ROCK2: variants seen among roughly 807,000 people sequenced by gnomAD.
The protein encoded by ROCK2 is Rho associated coiled-coil containing protein kinase 2.
ROCK2 carries 61 observed loss-of-function variants against 195.1 expected under a neutral mutation model. The ratio of observed to expected loss-of-function variants is 0.31; its 90% CI spans 0.25 to 0.39. ROCK2 has a LOEUF of 0.39. Among genes scored for constraint, ROCK2 ranks in the 10% least tolerant of loss-of-function variants. ROCK2 has a pLI of 1.00. For missense variants in ROCK2, 1,109 were observed against 1,637.4 expected (o/e 0.68, Z 5.57); for synonymous variants, 504 against 545.5 (o/e 0.92, Z 1.06).
At chr2:11,210,795 A>G (rs1664223182) in intron 18 of ROCK2, among the ~76,000 whole-genome samples, 1 of 152,224 alleles carries the variant, frequency 6.6e-6, no homozygotes, top group Admixed American at 6.5e-5. Context: ...ATGGCCCAGT[A>G]ACTTTCTCCC....
At chr2:11,202,274 GT>G (rs918476157) in intron 20 of ROCK2, among the ~76,000 whole-genome samples, 153 bp from the exon 21 acceptor site, 1 of 151,716 alleles carries the variant, frequency 6.6e-6, no homozygotes, top group South Asian at 2.1e-4. Flanking sequence ...GAGCACCATG[GT>G]TTTTTTTAAA....
At chr2:11,291,903 T>C (rs1667373778) in intron 1 of ROCK2, among the ~76,000 whole-genome samples, 1 of 152,140 alleles carries the variant, frequency 6.6e-6, no homozygotes, top group African/African-American at 2.4e-5. Flanking sequence ...ACAACCATTT[T>C]TTTGAGGAGG....
At chr2:11,342,575 T>C (rs138389776) in intron 1 of ROCK2, among the ~76,000 whole-genome samples, 105 of 152,342 alleles carry the variant, frequency 6.9e-4, no homozygotes, top group Non-Finnish European at 1.2e-3. Context: ...CTAAACTTTC[T>C]GGCCTTAGGT....
At chr2:11,238,703 C>T (rs1463723075) in intron 4 of ROCK2, among the ~76,000 whole-genome samples, 1 of 151,952 alleles carries the variant, frequency 6.6e-6, no homozygotes, top group African/African-American at 2.4e-5. Flanking sequence ...TAAAAATTAG[C>T]CAGGAATGGT....
At chr2:11,184,202 A>G (rs960347567) in intron 32 of ROCK2, among the ~76,000 whole-genome samples, 2 of 152,262 alleles carry the variant, frequency 1.3e-5, no homozygotes, top group African/African-American at 4.8e-5. Flanking sequence ...AATCAGAAAT[A>G]GCTATTTCAC....
chr2:11,306,264 T>G (rs1572387638), intron 1 of ROCK2, among the ~76,000 whole-genome samples: 1 of 152,214 alleles, frequency 6.6e-6, no homozygotes, highest in African/African-American at 2.4e-5. Flanking sequence ...ACTATTTCCT[T>G]CTGTCAGAAA....
chr2:11,217,339 C>G (rs534000782), intron 11 of ROCK2, 170 bp from the exon 12 acceptor site: 5 of 709,886 alleles, frequency 7.0e-6, no homozygotes, highest in African/African-American at 6.9e-5. Context: ...AAAGGAAAAA[C>G]TCCCCCATCT....
At chr2:11,199,542 C>G (rs144542393) in intron 23 of ROCK2, among the ~76,000 whole-genome samples, 3,464 of 151,146 alleles carry the variant, frequency 0.023, 52 homozygotes, top group Non-Finnish European at 0.034. Flanking sequence ...GTTGCCTAGG[C>G]TGGTCTCAAA....
intron 1 of ROCK2, among the ~76,000 whole-genome samples, chr2:11,327,403 C>G (rs190124443): frequency 2.6e-5 from 4 of 151,998 alleles, no homozygotes; most frequent in African/African-American, 7.2e-5. Context: ...ATGAATTAAG[C>G]GAAAAGAAAG....
At chr2:11,254,931 T>G (rs955254171) in intron 3 of ROCK2, among the ~76,000 whole-genome samples, 1 of 150,066 alleles carries the variant, frequency 6.7e-6, no homozygotes, top group Non-Finnish European at 1.5e-5. Context: ...TTAAAAGAAC[T>G]TGGGGGCCGG....
chr2:11,210,993 A>G (rs1664227902), intron 18 of ROCK2, among the ~76,000 whole-genome samples: 6 of 152,236 alleles, frequency 3.9e-5, no homozygotes. Flanking sequence ...TCTGTTCAAG[A>G]GTTTTAAGCC....
In ROCK2 at chr2:11,181,084, C is replaced by T. The variant is rs1662966744; in HGVS notation, c.*2353G>A. 6.6e-6 allele frequency: 1 copy of T among 150,992 alleles called. No individual in the cohort carries two copies. The highest frequency in any genetic ancestry group is 1.9e-4 in the East Asian group (1 of 5,156). The allele number at this position is 150,992 out of a possible 1,614,324, so 9.4% of individuals were successfully genotyped here. ...GATTCCCCATATTCTCTAATATATA[C>T]AGCATTCCAAATTTAAACTTTTGCC... On this transcript the variant is annotated 3_prime_UTR_variant, in exon 33 of 33. Transcript: ENST00000315872.
intron 1 of ROCK2, among the ~76,000 whole-genome samples, chr2:11,289,749 AT>A (rs1667303929): frequency 6.6e-6 from 1 of 152,198 alleles, no homozygotes. Context: ...GCTCCCCCGT[AT>A]CTTCCCCAAA....
At chr2:11,306,601 G>A (rs1417882058) in intron 1 of ROCK2, among the ~76,000 whole-genome samples, 1 of 152,062 alleles carries the variant, frequency 6.6e-6, no homozygotes, top group African/African-American at 2.4e-5. Flanking sequence ...TTAAACACAA[G>A]GGATTTAAGA....
intron 1 of ROCK2, among the ~76,000 whole-genome samples, chr2:11,332,132 C>G (rs1466177721): frequency 1.3e-5 from 2 of 151,556 alleles, no homozygotes; most frequent in Non-Finnish European, 2.9e-5. Flanking sequence ...AGAGTGAGAC[C>G]CCATCTCTTA....
chr2:11,256,476 A>G (rs1056687302), intron 3 of ROCK2, among the ~76,000 whole-genome samples: 4 of 151,442 alleles, frequency 2.6e-5, no homozygotes, highest in African/African-American at 9.8e-5. Context: ...CGGCCTGCAG[A>G]ACTGTGAGTC....
intron 5 of ROCK2, among the ~76,000 whole-genome samples, chr2:11,229,557 C>G (rs190116169): frequency 2.1e-5 from 3 of 144,548 alleles, no homozygotes; most frequent in Non-Finnish European, 3.0e-5. Flanking sequence ...GGAAACTTCA[C>G]GTATCCAAAA....
chr2:11,229,634 A>C (rs934927488), intron 5 of ROCK2, among the ~76,000 whole-genome samples: 5 of 151,930 alleles, frequency 3.3e-5, no homozygotes, highest in Admixed American at 2.6e-4. Flanking sequence ...AAAAAAAAAA[A>C]CAAGAAATGA....
intron 10 of ROCK2, 71 bp from the exon 11 acceptor site, chr2:11,218,537 C>T: frequency 1.8e-6 from 2 of 1,112,942 alleles, no homozygotes; most frequent in South Asian, 1.5e-5. Context: ...ATTCCTAAAA[C>T]ACAAACCATA....
Sources: allele counts gnomAD v4.1 joint callset (sites outside exome capture counted in the v4.1 genomes callset), GRCh38; gene constraint gnomAD v4.1.1; transcripts MANE v1.5; gene names NCBI Gene and HGNC (gene_info 2026-07-23, HGNC 2026-07-21).